PRKCB: variants seen among roughly 807,000 people sequenced by gnomAD.
PRKCB encodes the protein protein kinase C beta.
A neutral mutation model predicts 81.5 loss-of-function variants in PRKCB; 13 were observed. The observed-to-expected ratio is 0.16, with a 90% CI of 0.10 to 0.25. PRKCB has a LOEUF of 0.25. PRKCB is among the 10% of genes least tolerant of loss of function. The pLI is 1.00. For missense variants in PRKCB, 509 were observed against 875.7 expected (o/e 0.58, Z 5.29); for synonymous variants, 335 against 321.4 (o/e 1.04, Z -0.45).
At chr16:23,850,051 A>G (rs1962447705) in intron 2 of PRKCB, among the ~76,000 whole-genome samples, 1 of 152,116 alleles carries the variant, frequency 6.6e-6, no homozygotes, top group Non-Finnish European at 1.5e-5. Flanking sequence ...TTCCACATAT[A>G]CGTGAGATCA....
chr16:23,850,029 G>A (rs535662809), intron 2 of PRKCB, among the ~76,000 whole-genome samples: 4 of 152,086 alleles, frequency 2.6e-5, no homozygotes, highest in East Asian at 1.9e-4. Context: ...CTATGACTAC[G>A]ACTTTATTAG....
intron 16 of PRKCB, among the ~76,000 whole-genome samples, chr16:24,193,410 A>G (rs948611305): frequency 6.6e-6 from 1 of 151,652 alleles, no homozygotes; most frequent in Admixed American, 6.6e-5. Context: ...GCGCCACTGC[A>G]CTCCAGCCTG....
At chr16:23,897,988 T>A (rs1423179822) in intron 2 of PRKCB, among the ~76,000 whole-genome samples, 1 of 152,004 alleles carries the variant, frequency 6.6e-6, no homozygotes, top group African/African-American at 2.4e-5. Context: ...AACCTCCGCC[T>A]CCCAGGCTCA....
chr16:23,976,516 G>T (rs1414340813), intron 2 of PRKCB, among the ~76,000 whole-genome samples: 1 of 152,170 alleles, frequency 6.6e-6, no homozygotes, highest in Non-Finnish European at 1.5e-5. Context: ...AGAGGATGAG[G>T]GCAGCCTTAG....
intron 13 of PRKCB, among the ~76,000 whole-genome samples, chr16:24,183,260 G>A (rs951748104): frequency 8.5e-5 from 13 of 152,110 alleles, no homozygotes; most frequent in African/African-American, 3.1e-4. Flanking sequence ...GCAACATGTT[G>A]TTCTGAAATA....
At chr16:24,007,286 A>G (rs944764650) in intron 3 of PRKCB, among the ~76,000 whole-genome samples, 1 of 152,204 alleles carries the variant, frequency 6.6e-6, no homozygotes, top group Non-Finnish European at 1.5e-5. Flanking sequence ...TATTGCCACA[A>G]ATGATCCTTT....
At chr16:23,964,480 C>T (rs917440975) in intron 2 of PRKCB, among the ~76,000 whole-genome samples, 1 of 152,166 alleles carries the variant, frequency 6.6e-6, no homozygotes, top group African/African-American at 2.4e-5. Flanking sequence ...AGTTTGTCAG[C>T]CTCTGGTCTA....
At chr16:23,852,750 T>G (rs1241215964) in intron 2 of PRKCB, among the ~76,000 whole-genome samples, 2 of 152,204 alleles carry the variant, frequency 1.3e-5, no homozygotes, top group African/African-American at 4.8e-5. Context: ...AACCGTATCC[T>G]TCAGGAGTAA....
intron 5 of PRKCB, among the ~76,000 whole-genome samples, chr16:24,092,451 T>C (rs946555608): frequency 1.3e-5 from 2 of 152,244 alleles, no homozygotes; most frequent in Non-Finnish European, 2.9e-5. Flanking sequence ...TGATACATGC[T>C]ATAATGTGGT....
At chr16:24,162,787 C>A (rs749713653) in intron 10 of PRKCB, among the ~76,000 whole-genome samples, 3 of 152,140 alleles carry the variant, frequency 2.0e-5, no homozygotes, top group East Asian at 1.9e-4. Flanking sequence ...TTAGTTAATG[C>A]GTGCAATGTA....
chr16:24,170,398 T>C (rs1967423811), intron 10 of PRKCB, among the ~76,000 whole-genome samples: 1 of 152,016 alleles, frequency 6.6e-6, no homozygotes, highest in African/African-American at 2.4e-5. Context: ...AGACCTAATT[T>C]AGATTGGGTG....
chr16:24,011,794 C>T (rs1223791016), intron 3 of PRKCB, among the ~76,000 whole-genome samples: 2 of 152,176 alleles, frequency 1.3e-5, no homozygotes, highest in African/African-American at 2.4e-5. Context: ...CTTAGCTGTG[C>T]ACTTTAAATA....
chr16:24,109,029 G>A (rs1966626960), intron 7 of PRKCB, among the ~76,000 whole-genome samples: 1 of 148,570 alleles, frequency 6.7e-6, no homozygotes, highest in Non-Finnish European at 1.5e-5. Flanking sequence ...CCGGGCGGGG[G>A]GCTGACCCCC....
chr16:24,206,088 C>T (rs1274488536), intron 16 of PRKCB, among the ~76,000 whole-genome samples: 1 of 152,190 alleles, frequency 6.6e-6, no homozygotes, highest in South Asian at 2.1e-4. Flanking sequence ...CTCCTACTGA[C>T]TTCCTCCCTA....
chr16:24,032,500 G>A (rs1326960342), intron 4 of PRKCB, among the ~76,000 whole-genome samples: 2 of 152,184 alleles, frequency 1.3e-5, no homozygotes, highest in African/African-American at 4.8e-5. Context: ...CTGATGTCAC[G>A]CATGTTCATA....
chr16:23,836,641 G>A (rs1309359419), intron 1 of PRKCB, among the ~76,000 whole-genome samples: 1 of 151,828 alleles, frequency 6.6e-6, no homozygotes, highest in Non-Finnish European at 1.5e-5. Flanking sequence ...TGCTCCACCT[G>A]ACTAGGAGCG....
rs191639678 is a variant in PRKCB, at chr16:24,075,157, A to G, written c.530-17634A>G. Among the ~76,000 whole-genome samples the G allele has an allele frequency of 8.5e-4, 130 of 152,290 alleles. 1 individual carries two copies. Among genetic ancestry groups the G allele is most frequent in the African/African-American group, 2.7e-3 (111 of 41,574 alleles). On this transcript the variant is annotated intron_variant, in intron 5 of 16. Coordinates refer to ENST00000643927, the MANE Select transcript of PRKCB (RefSeq NM_002738.7). Reference sequence around the variant, plus strand: ...AAAATTTAATTAAAGAAAATTAAATAAAATGCAAAACTCAATTTTTCCAAC... The same window carrying G: ...AAAATTTAATTAAAGAAAATTAAATGAAATGCAAAACTCAATTTTTCCAAC...
chr16:24,032,999 A>G, intron 4 of PRKCB, among the ~76,000 whole-genome samples: 1 of 152,284 alleles, frequency 6.6e-6, no homozygotes, highest in Non-Finnish European at 1.5e-5. Context: ...AGGAGGAAAG[A>G]GCATCATTCT....
At chr16:24,075,080 C>T (rs753191896) in intron 5 of PRKCB, among the ~76,000 whole-genome samples, 21 of 148,094 alleles carry the variant, frequency 1.4e-4, no homozygotes, top group Non-Finnish European at 2.2e-4. Context: ...GATTGCACCA[C>T]GCACTCTAGC....
Sources: allele counts gnomAD v4.1 joint callset (sites outside exome capture counted in the v4.1 genomes callset), GRCh38; gene constraint gnomAD v4.1.1; transcripts MANE v1.5; gene names NCBI Gene and HGNC (gene_info 2026-07-23, HGNC 2026-07-21).